RO60: variants seen among roughly 807,000 people sequenced by gnomAD.
RO60 encodes RNA-binding protein RO60.
A neutral mutation model predicts 55.3 loss-of-function variants in RO60; 20 were observed. That is an observed-to-expected ratio of 0.36 (90% CI 0.25 to 0.53). The LOEUF is 0.53. RO60 is among the 20% of genes least tolerant of loss of function. The probability of loss-of-function intolerance (pLI) is 0.92; values close to 1 mark genes in which losing one functional copy is unlikely to be tolerated. For synonymous variants in RO60, 213 were observed against 213.6 expected (o/e 1.00, Z 0.02); for missense variants, 558 against 646.6 (o/e 0.86, Z 1.49).
At chr1:193,073,636 C>T (rs541751430) in intron 2 of RO60, among the ~76,000 whole-genome samples, 4 of 152,214 alleles carry the variant, frequency 2.6e-5, no homozygotes, top group African/African-American at 7.2e-5. Context: ...CACAGTGGCA[C>T]GATCTTGGCC....
In RO60 at chr1:193,086,109, C is replaced by T. The variant is rs1019696198; in HGVS notation, c.*1378C>T. 7 of 864,896 alleles carry T rather than the reference C, an allele frequency of 8.1e-6. No homozygotes were observed. Among genetic ancestry groups the T allele is most frequent in the East Asian group, 1.2e-4 (1 of 8,274 alleles). The allele number at this position is 864,896 out of a possible 1,614,324, so 53.6% of individuals were successfully genotyped here. A position where few individuals can be genotyped will look rare whatever the true frequency, so the allele number is the denominator to read the frequency against. ...CTGAGGATTTGTAAGGTCCTTCTCG[C>T]TGTTATGTGAAAAGTCAAACTGTAG... On this transcript the variant is annotated 3_prime_UTR_variant, in exon 9 of 9. Coordinates refer to ENST00000400968, the MANE Select transcript of RO60 (RefSeq NM_001173524.2).
At position 193,085,857 on chromosome 1, in the gene RO60, A is replaced by T. The variant is rs1674603696; in HGVS notation, c.*1126A>T. On this transcript the variant is annotated 3_prime_UTR_variant, in exon 9 of 9. Coordinates refer to ENST00000400968, the MANE Select transcript of RO60 (RefSeq NM_001173524.2). The stretch of plus-strand genomic sequence containing the variant: ...TTGAGTAGCATATTACCAGCTAGCC[A>T]GTCACTAGGAATTTTTTTCAGTATT... The T allele has an allele frequency of 2.0e-6, 2 of 985,208 alleles. No homozygotes were observed. The highest frequency in any genetic ancestry group is 4.7e-5 in the South Asian group (1 of 21,294). The allele number at this position is 985,208 out of a possible 1,614,324, so 61.0% of individuals were successfully genotyped here.
At chr1:193,084,538 A>C (rs1306657782) in intron 8 of RO60, 41 bp from the exon 9 acceptor site, 1 of 1,567,366 alleles carries the variant, frequency 6.4e-7, no homozygotes, top group African/African-American at 1.4e-5. Flanking sequence ...GCATTTCCTT[A>C]CATTTATGTT....
intron 5 of RO60, among the ~76,000 whole-genome samples, chr1:193,077,304 G>A (rs1188395390): frequency 6.6e-6 from 1 of 152,088 alleles, no homozygotes; most frequent in Non-Finnish European, 1.5e-5. Flanking sequence ...AACTGTATTA[G>A]TTTGTTCTCA....
At position 193,082,631 on chromosome 1, in the gene RO60, G is replaced by A. The variant is rs1431248787; in HGVS notation, c.1387G>A (p.Val463Ile). Residue 463 changes from valine to isoleucine, a missense_variant, in exon 8 of 9, where the codon GTC becomes ATC. By Grantham distance (29) the Val-to-Ile change is conservative. Transcript: ENST00000400968. ...WAQKTNTPADVFIVFTDNETF... is the reference protein window; with the variant it reads ...WAQKTNTPADIFIVFTDNETF... ...TCAGAAGACAAACACACCTGCTGAT[G>A]TCTTCATTGTATTCACTGATAATGA... is the stretch of plus-strand genomic sequence containing the variant. 8.1e-6 allele frequency: 13 copies of A among 1,613,820 alleles called. 1 individual carries two copies. The highest frequency in any genetic ancestry group is 1.7e-5 in the Admixed American group (1 of 59,960).
intron 8 of RO60, among the ~76,000 whole-genome samples, chr1:193,083,174 C>T (rs1380495999): frequency 2.0e-5 from 3 of 152,166 alleles, no homozygotes; most frequent in East Asian, 1.9e-4. Flanking sequence ...GTATTGATTA[C>T]ACACATAAAA....
Position 193,081,480 on chromosome 1 carries a change from G to T in RO60, c.1203G>T (p.Met401Ile). Residue 401 changes from methionine to isoleucine, a missense_variant and splice_region_variant, in exon 6 of 9, where the codon ATG (methionine) becomes ATT (isoleucine). Transcript: ENST00000400968. ...GTACAGTTGCTGCAGCAATGTGCATGGTGAGAACACCTAAGACAATTTTGC... is the reference window on the plus strand; with the variant it reads ...GTACAGTTGCTGCAGCAATGTGCATTGTGAGAACACCTAAGACAATTTTGC... ...NASTVAAAMC[M>I]VVTRTEKDSY... 1 of 1,574,370 alleles carries T rather than the reference G, an allele frequency of 6.4e-7. No individual in the cohort carries two copies. Among genetic ancestry groups the T allele is most frequent in the South Asian group, 1.1e-5 (1 of 88,020 alleles).
At chr1:193,072,178 AT>A (rs1673563968) in intron 2 of RO60, among the ~76,000 whole-genome samples, 1 of 151,962 alleles carries the variant, frequency 6.6e-6, no homozygotes, top group Non-Finnish European at 1.5e-5. Context: ...TAATTTTTGT[AT>A]TTTTAGTAGA....
rs969189041 is a variant in RO60, at chr1:193,087,420, C to T, written c.*2689C>T. The stretch of plus-strand genomic sequence containing the variant: ...CAGGATATAGTTGTAATTAGTAAAA[C>T]AAAAACTAATCTTATAATCCCACCC... On this transcript the variant is annotated 3_prime_UTR_variant, in exon 9 of 9. Coordinates refer to ENST00000400968, the MANE Select transcript of RO60 (RefSeq NM_001173524.2). The T allele has an allele frequency of 6.6e-6, 1 of 152,154 alleles. No homozygotes were observed. The highest frequency in any genetic ancestry group is 1.9e-4 in the East Asian group (1 of 5,190). The allele number at this position is 152,154 out of a possible 1,614,324, so 9.4% of individuals were successfully genotyped here.
chr1:193,071,379 A>G (rs978045605), intron 2 of RO60, among the ~76,000 whole-genome samples: 1 of 152,166 alleles, frequency 6.6e-6, no homozygotes, highest in African/African-American at 2.4e-5. Context: ...CATGCCTTCT[A>G]TGTTTCAGTA....
intron 1 of RO60, among the ~76,000 whole-genome samples, chr1:193,062,547 G>A (rs1672850716): frequency 6.6e-6 from 1 of 152,092 alleles, no homozygotes; most frequent in Admixed American, 6.5e-5. Context: ...ATATCATGAA[G>A]TTCACTATTT....
intron 2 of RO60, 26 bp from the exon 3 acceptor site, chr1:193,075,794 T>C: frequency 6.5e-7 from 1 of 1,533,710 alleles, no homozygotes; most frequent in Non-Finnish European, 8.9e-7. Context: ...TCCTGCATGC[T>C]TTTTCAATTC....
rs1674784573 is a variant in RO60 at position 193,089,840 on chromosome 1, TC to T, written c.*5111del. ...TTTTTTTTTTGAGACAGAGTCTCAC[TC>T]CGTCACCAGGCTGGAGTGCGGTGGC... On this transcript the variant is annotated 3_prime_UTR_variant, in exon 9 of 9. Coordinates refer to ENST00000400968, the MANE Select transcript of RO60 (RefSeq NM_001173524.2). The T allele has an allele frequency of 6.7e-6, 1 of 149,420 alleles. No individual in the cohort carries two copies. Among genetic ancestry groups the T allele is most frequent in the Non-Finnish European group, 1.5e-5 (1 of 67,418 alleles). 9.3% of individuals were successfully genotyped at this position (149,420 alleles called of 1,614,324 possible).
rs776699194 is a variant in RO60 at position 193,059,628 on chromosome 1, C to T, written c.-170C>T. On this transcript the variant is annotated 5_prime_UTR_variant, in exon 1 of 9. Coordinates refer to ENST00000400968, the MANE Select transcript of RO60 (RefSeq NM_001173524.2). The surrounding 1 kb of genome is among the most constrained non-coding windows in gnomAD (Gnocchi z 4.9). ...AGGGGCAGGACTCGTTCCCGGGAAC[C>T]GAACCTGGAATCCCCGGCGGCAGTG... 3 of 1,405,622 alleles carry T rather than the reference C, an allele frequency of 2.1e-6. No homozygotes were observed. The highest frequency in any genetic ancestry group is 1.9e-6 in the Non-Finnish European group (2 of 1,048,954). 87.1% of individuals were successfully genotyped at this position (1,405,622 alleles called of 1,614,324 possible).
rs775806496 is a variant in RO60 at position 193,085,740 on chromosome 1, G to T, written c.*1009G>T. Reference sequence around the variant, plus strand: ...AAGTATACATGTCAATGGCCTCTTTGTCCATTATTCATTTTGTGGCAAAAT... The same window carrying T: ...AAGTATACATGTCAATGGCCTCTTTTTCCATTATTCATTTTGTGGCAAAAT... On this transcript the variant is annotated 3_prime_UTR_variant, in exon 9 of 9. Coordinates refer to ENST00000400968, the MANE Select transcript of RO60 (RefSeq NM_001173524.2). The T allele has an allele frequency of 3.3e-4, 329 of 984,108 alleles. No homozygotes were observed. Among genetic ancestry groups the T allele is most frequent in the Non-Finnish European group, 3.8e-4 (317 of 829,164 alleles). The allele number at this position is 984,108 out of a possible 1,614,324, so 61.0% of individuals were successfully genotyped here.
At chr1:193,070,152 A>C (rs1673387055) in intron 2 of RO60, among the ~76,000 whole-genome samples, 2 of 152,158 alleles carry the variant, frequency 1.3e-5, no homozygotes, top group Admixed American at 6.5e-5. Context: ...AAAGCAAAAA[A>C]AAAAAAAAAA....
At chr1:193,082,345 C>T (rs770172861) in intron 7 of RO60, 46 bp downstream of exon 7, 13 of 1,438,034 alleles carry the variant, frequency 9.0e-6, no homozygotes, top group East Asian at 6.8e-5. Context: ...GTTTACATAA[C>T]GTGTAGAATG....
chr1:193,077,308 G>A (rs1367944957), intron 5 of RO60, among the ~76,000 whole-genome samples: 1 of 152,092 alleles, frequency 6.6e-6, no homozygotes, highest in African/African-American at 2.4e-5. Flanking sequence ...GTATTAGTTT[G>A]TTCTCACAGT....
intron 7 of RO60, 127 bp downstream of exon 7, chr1:193,082,426 A>G (rs1357090990): frequency 4.5e-6 from 6 of 1,335,994 alleles, no homozygotes; most frequent in Non-Finnish European, 6.2e-6. Flanking sequence ...TTTTTGCATG[A>G]CAAGTACAAA....
Sources: allele counts gnomAD v4.1 joint callset (sites outside exome capture counted in the v4.1 genomes callset), GRCh38; gene constraint gnomAD v4.1.1; non-coding constraint Gnocchi (gnomAD v3.1); transcripts MANE v1.5; gene names NCBI Gene and HGNC (gene_info 2026-07-23, HGNC 2026-07-21).